The following CNTN4 variants were observed in gnomAD, a reference collection of about 807,000 sequenced individuals.
CNTN4 encodes contactin-4.
A neutral mutation model predicts 122.5 loss-of-function variants in CNTN4; 77 were observed. The ratio of observed to expected loss-of-function variants is 0.63; its 90% CI spans 0.52 to 0.76. The LOEUF is 0.76. Ranked by LOEUF, CNTN4 falls within the 30% of genes least tolerant of loss-of-function variation. CNTN4 has a pLI of 0.00. For missense variants in CNTN4, 1,256 were observed against 1,259.1 expected, an observed-to-expected ratio of 1.00 and a Z score of 0.04; for synonymous variants, 512 against 447.0, an observed-to-expected ratio of 1.15 and a Z score of -1.83.
chr3:2,192,725 G>C (rs1221221495), intron 2 of CNTN4, among the ~76,000 whole-genome samples: 1 of 152,158 alleles, frequency 6.6e-6, no homozygotes, highest in African/African-American at 2.4e-5. Flanking sequence ...GATTTGTTTT[G>C]AGCTACACTC....
At chr3:2,613,956 T>G (rs186371100) in intron 4 of CNTN4, among the ~76,000 whole-genome samples, 1 of 152,262 alleles carries the variant, frequency 6.6e-6, no homozygotes, top group East Asian at 1.9e-4. Context: ...TGACCGCTGT[T>G]CTAACCCTCG....
chr3:2,808,268 A>G (rs903085792), intron 6 of CNTN4, among the ~76,000 whole-genome samples: 1 of 152,068 alleles, frequency 6.6e-6, no homozygotes, highest in African/African-American at 2.4e-5. Context: ...TAGATTACTG[A>G]CTTTATCATG....
chr3:2,805,235 C>A (rs1220596823), intron 6 of CNTN4, among the ~76,000 whole-genome samples: 3 of 151,276 alleles, frequency 2.0e-5, no homozygotes, highest in Non-Finnish European at 2.9e-5. Context: ...GTTGCTTCAT[C>A]TACAATCTTT....
chr3:2,536,231 G>A (rs753563206), intron 3 of CNTN4, among the ~76,000 whole-genome samples: 12 of 152,112 alleles, frequency 7.9e-5, no homozygotes, highest in Non-Finnish European at 1.5e-4. Context: ...CTAGATCTAT[G>A]GGTAAATTTC....
chr3:2,692,323 C>T (rs2085785785), intron 4 of CNTN4, among the ~76,000 whole-genome samples: 1 of 152,112 alleles, frequency 6.6e-6, no homozygotes, highest in South Asian at 2.1e-4. Flanking sequence ...CGGTGCTTTA[C>T]CTCCGCTACC....
At chr3:2,870,336 A>C (rs997378496) in intron 8 of CNTN4, among the ~76,000 whole-genome samples, 1 of 152,194 alleles carries the variant, frequency 6.6e-6, no homozygotes, top group Middle Eastern at 3.2e-3. Flanking sequence ...ACTCATTCTT[A>C]ATTTCCATGA....
intron 4 of CNTN4, among the ~76,000 whole-genome samples, chr3:2,618,881 T>C (rs887240810): frequency 2.0e-5 from 3 of 151,828 alleles, no homozygotes; most frequent in Admixed American, 6.6e-5. Context: ...GTGGAAGGAG[T>C]GGTAAGTTTG....
At chr3:2,232,202 A>G (rs1034187935) in intron 2 of CNTN4, among the ~76,000 whole-genome samples, 2 of 152,164 alleles carry the variant, frequency 1.3e-5, no homozygotes, top group African/African-American at 4.8e-5. Flanking sequence ...GCTTATTTTT[A>G]CAGTCAATGC....
chr3:2,864,362 T>C (rs1017777018), intron 7 of CNTN4, among the ~76,000 whole-genome samples: 1 of 152,078 alleles, frequency 6.6e-6, no homozygotes, highest in Non-Finnish European at 1.5e-5. Flanking sequence ...TTCTGGTTGC[T>C]AAATGAGCCT....
At position 2,899,934 on chromosome 3, in the gene CNTN4, G is replaced by T. The variant is rs1458046927; in HGVS notation, c.941-751G>T. On this transcript the variant is annotated intron_variant, in intron 10 of 24. Coordinates refer to ENST00000418658, the MANE Select transcript of CNTN4 (RefSeq NM_175607.3). ...GATCTATACAACATGTGGGAGTGAA[G>T]TATATTAGTGAGGGACAAGCTAAGC... Among the ~76,000 whole-genome samples the T allele has an allele frequency of 2.0e-5, 3 of 152,128 alleles. No homozygotes were observed. The East Asian group carries it at 5.8e-4, about 29-fold the overall frequency.
At chr3:2,360,269 TA>T (rs1268238213) in intron 3 of CNTN4, among the ~76,000 whole-genome samples, 1 of 152,164 alleles carries the variant, frequency 6.6e-6, no homozygotes, top group Non-Finnish European at 1.5e-5. Flanking sequence ...AATTAATGAT[TA>T]ATTTTTATTC....
At chr3:2,168,518 G>A (rs983512827) in intron 2 of CNTN4, among the ~76,000 whole-genome samples, 13 of 151,900 alleles carry the variant, frequency 8.6e-5, no homozygotes, top group African/African-American at 3.1e-4. Flanking sequence ...TTGAAATTAA[G>A]TAATCTAAAC....
intron 4 of CNTN4, among the ~76,000 whole-genome samples, chr3:2,607,798 T>A (rs1246051117): frequency 6.6e-6 from 1 of 152,172 alleles, no homozygotes; most frequent in African/African-American, 2.4e-5. Context: ...CTGTACAATG[T>A]TCTTACCTAT....
intron 3 of CNTN4, among the ~76,000 whole-genome samples, chr3:2,381,772 T>A (rs2150772575): frequency 6.6e-6 from 1 of 152,272 alleles, no homozygotes; most frequent in South Asian, 2.1e-4. Flanking sequence ...AAATTATGTA[T>A]TTCTTATAAA....
intron 4 of CNTN4, among the ~76,000 whole-genome samples, chr3:2,611,716 A>G (rs1039980154): frequency 3.9e-5 from 6 of 152,200 alleles, no homozygotes; most frequent in Non-Finnish European, 8.8e-5. Context: ...GCAGAGAACA[A>G]GGATGAGAAC....
chr3:2,640,260 T>C (rs1448259104), intron 4 of CNTN4, among the ~76,000 whole-genome samples: 2 of 152,224 alleles, frequency 1.3e-5, no homozygotes, highest in East Asian at 3.8e-4. Flanking sequence ...CAACATATTA[T>C]ACATGAAAAC....
At chr3:2,990,620 A>T (rs1314114184) in intron 14 of CNTN4, among the ~76,000 whole-genome samples, 1 of 152,208 alleles carries the variant, frequency 6.6e-6, no homozygotes, top group Non-Finnish European at 1.5e-5. Context: ...AAGCCCCAGG[A>T]CAAAACCGTT....
At position 2,139,203 on chromosome 3, in the gene CNTN4, C is replaced by T. The variant is rs1341393485; in HGVS notation, c.-145+38564C>T. ...ATATTTGTAATGTTTTCATCATACC[C>T]CTAGGCCAAAGAAAATACTCAACAT... is the stretch of plus-strand genomic sequence containing the variant. On this transcript the variant is annotated intron_variant, in intron 2 of 24. Transcript: ENST00000418658. 2.6e-5 allele frequency among the ~76,000 whole-genome samples: 4 copies of T among 152,108 alleles called. No homozygotes were observed. The East Asian group carries it at 5.8e-4, about 22-fold the overall frequency.
chr3:2,928,158 A>C (rs1307663631), intron 13 of CNTN4, among the ~76,000 whole-genome samples: 1 of 152,168 alleles, frequency 6.6e-6, no homozygotes, highest in African/African-American at 2.4e-5. Flanking sequence ...CTTTTGTTTG[A>C]GCTTCCATTT....
Sources: gnomAD v4.1 joint callset for allele counts (sites outside exome capture counted in the v4.1 genomes callset) on GRCh38, gnomAD v4.1.1 for gene constraint, MANE v1.5 for transcripts, NCBI Gene and HGNC (gene_info 2026-07-23, HGNC 2026-07-21) for gene names.